Variants in MGMT observed in about 807,000 individuals in gnomAD.
The protein encoded by MGMT is O-6-methylguanine-DNA methyltransferase, also known as methylated-DNA--protein-cysteine methyltransferase.
A neutral mutation model predicts 15.9 loss-of-function variants in MGMT; 14 were observed. The observed-to-expected ratio is 0.88, with a 90% CI of 0.58 to 1.37. The LOEUF (loss-of-function observed/expected upper bound fraction) is 1.37, where lower values mean the gene tolerates loss of function less well. Among genes scored for constraint, MGMT ranks in the 40% most tolerant of loss-of-function variants. The probability of loss-of-function intolerance (pLI) is 0.00; values close to 1 mark genes in which losing one functional copy is unlikely to be tolerated. For synonymous variants in MGMT, 130 were observed against 118.2 expected, an observed-to-expected ratio of 1.10 and a Z score of -0.65; for missense variants, 282 against 268.1, an observed-to-expected ratio of 1.05 and a Z score of -0.36.
chr10:129,608,303 T>C (rs1440224646), intron 2 of MGMT, among the ~76,000 whole-genome samples: 1 of 152,258 alleles, frequency 6.6e-6, no homozygotes, highest in African/African-American at 2.4e-5. Context: ...CAGAGGGGTC[T>C]GCTGAAGTTA....
intron 3 of MGMT, among the ~76,000 whole-genome samples, chr10:129,746,356 A>G (rs1439673866): frequency 6.8e-6 from 1 of 147,730 alleles, no homozygotes; most frequent in Non-Finnish European, 1.5e-5. Context: ...TCTTTTTTTT[A>G]TCATGATTTG....
chr10:129,617,857 G>T (rs140226971), intron 2 of MGMT, among the ~76,000 whole-genome samples: 15 of 152,142 alleles, frequency 9.9e-5, no homozygotes, highest in Admixed American at 2.0e-4. Context: ...TGCATAGTCT[G>T]CAAAGTGTGC....
At chr10:129,514,252 A>G (rs1032840742) in intron 1 of MGMT, among the ~76,000 whole-genome samples, 8 of 152,242 alleles carry the variant, frequency 5.3e-5, no homozygotes, top group African/African-American at 1.9e-4. Flanking sequence ...CAATTATATC[A>G]ATCAATTATT....
rs768335853 is a variant in MGMT, at chr10:129,766,956, G to A, written c.583G>A (p.Ala195Thr). ...SGLAGAWLKGAGATSGSPPAG... is the reference protein window; with the variant it reads ...SGLAGAWLKGTGATSGSPPAG... ...TCTGGCAGGGGCCTGGCTCAAGGGA[G>A]CGGGAGCTACCTCGGGCTCCCCGCC... The change falls in exon 5 of 5, where the codon GCG (alanine) becomes ACG (threonine). Residue 195 changes from alanine to threonine, a missense_variant. Transcript: ENST00000651593. 4.3e-6 allele frequency: 7 copies of A among 1,610,712 alleles called. No homozygotes were observed. In the South Asian group the frequency reaches 7.7e-5, roughly 18 times the overall value.
chr10:129,559,520 TA>T (rs1458971868), intron 2 of MGMT, among the ~76,000 whole-genome samples: 2 of 152,180 alleles, frequency 1.3e-5, no homozygotes, highest in East Asian at 3.9e-4. Context: ...TTTAATGTTT[TA>T]GGGGAGATTT....
rs1845954389 is a variant in MGMT at position 129,533,500 on chromosome 10, C to T, written c.-12-2741C>T. ...AGCGAAACCCAAGCTGGGCTGTTTA[C>T]TGCCAGTCTGCTGGGAGCTTTGACC... On this transcript the variant is annotated intron_variant, in intron 1 of 4. Transcript: ENST00000651593. The surrounding 1 kb of genome is among the most constrained non-coding windows in gnomAD (Gnocchi z 4.5). 6.6e-6 allele frequency among the ~76,000 whole-genome samples: 1 copy of T among 152,182 alleles called. No individual in the cohort carries two copies. Among genetic ancestry groups the T allele is most frequent in the African/African-American group, 2.4e-5 (1 of 41,454 alleles).
intron 1 of MGMT, among the ~76,000 whole-genome samples, chr10:129,468,166 C>T (rs1845191442): frequency 6.6e-6 from 1 of 152,184 alleles, no homozygotes; most frequent in Admixed American, 6.5e-5. Flanking sequence ...TCTGTTAAGT[C>T]AGGCTCTCCC....
At position 129,659,522 on chromosome 10, in the gene MGMT, G is replaced by A. The variant is rs1019847586; in HGVS notation, c.126-48373G>A. On this transcript the variant is annotated intron_variant, in intron 2 of 4. Coordinates refer to ENST00000651593, the MANE Select transcript of MGMT (RefSeq NM_002412.5). This position sits in a 1 kb window ranked among gnomAD's most constrained non-coding sequence, Gnocchi z 4.1. The stretch of plus-strand genomic sequence containing the variant: ...CACAGGCCATTGTACCTGCTCATGA[G>A]AACAGAAGTGAAAGTCACACAGCAT... Among the ~76,000 whole-genome samples, 6 of 152,156 alleles carry A rather than the reference G, an allele frequency of 3.9e-5. No individual in the cohort carries two copies. The highest frequency in any genetic ancestry group is 8.8e-5 in the Non-Finnish European group (6 of 68,028).
At chr10:129,648,022 G>A (rs947124337) in intron 2 of MGMT, among the ~76,000 whole-genome samples, 15 of 152,084 alleles carry the variant, frequency 9.9e-5, no homozygotes, top group Admixed American at 2.0e-4. Flanking sequence ...AGCTCACAGA[G>A]CAGTTTATAT....
chr10:129,492,734 C>T (rs1444246797), intron 1 of MGMT, among the ~76,000 whole-genome samples: 5 of 152,228 alleles, frequency 3.3e-5, no homozygotes, highest in Non-Finnish European at 5.9e-5. Context: ...CCCAGTCCCC[C>T]TAGTCCTGGT....
intron 3 of MGMT, among the ~76,000 whole-genome samples, chr10:129,708,804 G>A (rs992099016): frequency 2.0e-5 from 3 of 152,084 alleles, no homozygotes; most frequent in African/African-American, 4.8e-5. Flanking sequence ...TATCCTTAAA[G>A]GGAAAAATTA....
chr10:129,729,324 G>A (rs1848470370), intron 3 of MGMT, among the ~76,000 whole-genome samples: 1 of 152,186 alleles, frequency 6.6e-6, no homozygotes, highest in South Asian at 2.1e-4. Context: ...CAGGAGAGCA[G>A]CAGGTCGCAA....
In MGMT at chr10:129,763,677, A is replaced by C. The variant is rs370924241; in HGVS notation, c.415-3111A>C. Among the ~76,000 whole-genome samples the C allele has an allele frequency of 3.3e-5, 5 of 152,376 alleles. No individual in the cohort carries two copies. The East Asian group carries it at 5.8e-4, about 18-fold the overall frequency. On this transcript the variant is annotated intron_variant, in intron 4 of 4. Transcript: ENST00000651593. ...ATGTTTATAAAACTAGATTGAATTA[A>C]ATGCCTACCTCTTTATCAGTCAAAA...
chr10:129,530,972 G>A (rs998158318), intron 1 of MGMT, among the ~76,000 whole-genome samples: 4 of 152,224 alleles, frequency 2.6e-5, no homozygotes, highest in Admixed American at 2.6e-4. Flanking sequence ...TTCCCTAACC[G>A]CCACTCTGCC....
chr10:129,695,222 C>T (rs1393388934), intron 2 of MGMT, among the ~76,000 whole-genome samples: 1 of 152,188 alleles, frequency 6.6e-6, no homozygotes, highest in Non-Finnish European at 1.5e-5. Flanking sequence ...CCAGCTGCAG[C>T]AATCAACAGG....
chr10:129,648,733 T>C lies in MGMT; in HGVS notation c.126-59162T>C, dbSNP rs1847424077. Among the ~76,000 whole-genome samples, 3 of 152,342 alleles carry C rather than the reference T, an allele frequency of 2.0e-5. 1 individual carries two copies. In the South Asian group the frequency reaches 6.2e-4, roughly 32 times the overall value. On this transcript the variant is annotated intron_variant, in intron 2 of 4. Transcript: ENST00000651593. ...GTCCTTGTATCTGTATTTTGAATGA[T>C]TTGGAATCTTTTATCTTTGCATATT...
intron 1 of MGMT, among the ~76,000 whole-genome samples, chr10:129,506,639 G>T (rs1845628246): frequency 6.6e-6 from 1 of 152,086 alleles, no homozygotes; most frequent in Non-Finnish European, 1.5e-5. Context: ...CAAAGCCCCA[G>T]CTGCCCTACC....
intron 3 of MGMT, among the ~76,000 whole-genome samples, chr10:129,758,409 G>A (rs1051494704): frequency 1.1e-4 from 17 of 152,022 alleles, no homozygotes; most frequent in Non-Finnish European, 2.4e-4. Flanking sequence ...TGTCCCCCTT[G>A]GAAAGACAAT....
chr10:129,546,219 C>T (rs571180649), intron 2 of MGMT, among the ~76,000 whole-genome samples: 2 of 152,354 alleles, frequency 1.3e-5, no homozygotes, highest in African/African-American at 4.8e-5. Flanking sequence ...ACCTGCAGCC[C>T]AAGCCCAGCT....
Sources: allele counts gnomAD v4.1 joint callset (sites outside exome capture counted in the v4.1 genomes callset), GRCh38; gene constraint gnomAD v4.1.1; non-coding constraint Gnocchi (gnomAD v3.1); transcripts MANE v1.5; gene names NCBI Gene and HGNC (gene_info 2026-07-23, HGNC 2026-07-21).